Variants in TMEM132D observed in about 807,000 individuals in gnomAD.
TMEM132D encodes transmembrane protein 132D.
Under a neutral mutation model 62.3 loss-of-function variants are expected in TMEM132D, and 21 were observed. The ratio of observed to expected loss-of-function variants is 0.34; its 90% CI spans 0.24 to 0.49. The LOEUF (loss-of-function observed/expected upper bound fraction) is 0.49, where lower values mean the gene tolerates loss of function less well. TMEM132D is among the 20% of genes least tolerant of loss of function. The pLI, the probability that TMEM132D is intolerant of heterozygous loss-of-function variation, is 0.99. For missense variants in TMEM132D, 1,346 were observed against 1,402.8 expected (o/e 0.96, Z 0.65); for synonymous variants, 621 against 575.6 (o/e 1.08, Z -1.13).
rs143973003 is a variant in TMEM132D at position 129,867,926 on chromosome 12, G to A, written c.79+35335C>T. Among the ~76,000 whole-genome samples, 102 of 152,326 alleles carry A rather than the reference G, an allele frequency of 6.7e-4. No homozygotes were observed. Among genetic ancestry groups the A allele is most frequent in the African/African-American group, 2.2e-3 (91 of 41,578 alleles). On this transcript the variant is annotated intron_variant, in intron 1 of 8. Coordinates refer to ENST00000422113, the MANE Select transcript of TMEM132D (RefSeq NM_133448.3). The surrounding 1 kb of genome is among the most constrained non-coding windows in gnomAD (Gnocchi z 4.5). ...ATGTCTGTGTCTCTACTAAGACAGC[G>A]TTTCTATGGTACACACGAGGCAGTG...
chr12:129,075,964 C>A (rs915892300), intron 8 of TMEM132D, among the ~76,000 whole-genome samples: 2 of 151,984 alleles, frequency 1.3e-5, no homozygotes, highest in Admixed American at 6.5e-5. Context: ...GCCCCAAGCC[C>A]GAGATGATGA....
At position 129,699,732 on chromosome 12, in the gene TMEM132D, C is replaced by A. The variant is rs191195169; in HGVS notation, c.968+78G>T. The stretch of plus-strand genomic sequence containing the variant: ...TCTACTTCGGTGAGCGATAACACAG[C>A]TTTTCTGGTCAAACAGCTTCTGGAA... On this transcript the variant is annotated intron_variant, in intron 2 of 8. Transcript: ENST00000422113. The A allele has an allele frequency of 1.9e-6, 3 of 1,556,058 alleles. No individual in the cohort carries two copies. The East Asian group carries it at 6.7e-5, about 35-fold the overall frequency.
intron 2 of TMEM132D, among the ~76,000 whole-genome samples, chr12:129,678,690 A>G (rs752022667): frequency 4.9e-4 from 74 of 152,094 alleles, no homozygotes; most frequent in Non-Finnish European, 8.7e-4. Context: ...TAGATTAAGA[A>G]AGTCTAAATC....
At chr12:129,750,376 C>T (rs989694987) in intron 1 of TMEM132D, among the ~76,000 whole-genome samples, 7 of 152,158 alleles carry the variant, frequency 4.6e-5, no homozygotes, top group African/African-American at 1.4e-4. Flanking sequence ...TGAGCTACCG[C>T]GCCCAGCCAG....
At chr12:129,435,194 C>T (rs144406208) in intron 3 of TMEM132D, among the ~76,000 whole-genome samples, 115 of 152,174 alleles carry the variant, frequency 7.6e-4, no homozygotes, top group Non-Finnish European at 1.4e-3. Context: ...ATAATATAGA[C>T]CAATGTGTTA....
chr12:129,455,935 G>C (rs1194869245), intron 3 of TMEM132D, among the ~76,000 whole-genome samples: 1 of 152,134 alleles, frequency 6.6e-6, no homozygotes, highest in Admixed American at 6.5e-5. Flanking sequence ...GTGAAGAATA[G>C]ACTCAAGAGG....
chr12:129,103,838 G>T (rs974225404), intron 5 of TMEM132D, among the ~76,000 whole-genome samples: 10 of 152,220 alleles, frequency 6.6e-5, no homozygotes, highest in East Asian at 1.9e-4. Flanking sequence ...TTACAAGGGA[G>T]GTGAAGGACC....
intron 5 of TMEM132D, chr12:129,085,044 G>A (rs1172145021): frequency 2.4e-6 from 1 of 423,094 alleles, no homozygotes; most frequent in African/African-American, 2.0e-5. Context: ...GTGTCCCTCA[G>A]AGTTACCCGG....
intron 4 of TMEM132D, among the ~76,000 whole-genome samples, chr12:129,255,609 T>G (rs1184723572): frequency 6.6e-6 from 1 of 152,146 alleles, no homozygotes; most frequent in Non-Finnish European, 1.5e-5. Context: ...ATAAAATATT[T>G]TGTTTATCTG....
intron 5 of TMEM132D, among the ~76,000 whole-genome samples, chr12:129,126,807 C>T (rs749727275): frequency 9.8e-5 from 15 of 152,288 alleles, no homozygotes; most frequent in Non-Finnish European, 1.0e-4. Context: ...TAGGAACTTT[C>T]CTCCTTGTTA....
At chr12:129,606,410 C>T (rs982914966) in intron 2 of TMEM132D, among the ~76,000 whole-genome samples, 2 of 152,218 alleles carry the variant, frequency 1.3e-5, no homozygotes, top group East Asian at 1.9e-4. Context: ...CAGAGTCTGC[C>T]GCAGCCCCGG....
chr12:129,894,324 A>G (rs938037412), intron 1 of TMEM132D, among the ~76,000 whole-genome samples: 1 of 152,146 alleles, frequency 6.6e-6, no homozygotes, highest in African/African-American at 2.4e-5. Flanking sequence ...TGATTCAATT[A>G]TCTCCACCTG....
At chr12:129,481,855 A>G (rs1440763182) in intron 3 of TMEM132D, among the ~76,000 whole-genome samples, 1 of 151,972 alleles carries the variant, frequency 6.6e-6, no homozygotes, top group Non-Finnish European at 1.5e-5. Context: ...ACCATTAGGT[A>G]ACCCTCCCAG....
intron 2 of TMEM132D, among the ~76,000 whole-genome samples, chr12:129,635,373 AAATGGC>A (rs1401356177): frequency 6.6e-6 from 1 of 152,244 alleles, no homozygotes; most frequent in Non-Finnish European, 1.5e-5. Context: ...CAGACAAAAG[AAATGGC>A]AAGGAGAGTC....
intron 4 of TMEM132D, among the ~76,000 whole-genome samples, chr12:129,259,606 A>G (rs889906319): frequency 4.6e-5 from 7 of 152,232 alleles, no homozygotes; most frequent in African/African-American, 1.7e-4. Flanking sequence ...TAAGGAGAAC[A>G]GATGGTAATT....
At chr12:129,340,320 T>A (rs1176361567) in intron 3 of TMEM132D, among the ~76,000 whole-genome samples, 2 of 152,058 alleles carry the variant, frequency 1.3e-5, no homozygotes, top group East Asian at 1.9e-4. Context: ...TCTTTTTTTT[T>A]ATTATACTTT....
intron 2 of TMEM132D, among the ~76,000 whole-genome samples, chr12:129,617,094 G>A (rs1034568957): frequency 6.6e-6 from 1 of 152,156 alleles, no homozygotes; most frequent in Non-Finnish European, 1.5e-5. Flanking sequence ...AGTTCTGAAA[G>A]CAATTTTTAT....
At chr12:129,646,532 A>G (rs544881586) in intron 2 of TMEM132D, among the ~76,000 whole-genome samples, 1 of 152,266 alleles carries the variant, frequency 6.6e-6, no homozygotes, top group South Asian at 2.1e-4. Flanking sequence ...AAAGAAGTAG[A>G]GAGTAGTATA....
At chr12:129,733,283 C>T (rs1477188925) in intron 1 of TMEM132D, among the ~76,000 whole-genome samples, 1 of 152,122 alleles carries the variant, frequency 6.6e-6, no homozygotes. Context: ...AAAAGATTTG[C>T]CCTTAGCCTG....
Sources: gnomAD v4.1 joint callset for allele counts (sites outside exome capture counted in the v4.1 genomes callset) on GRCh38, gnomAD v4.1.1 for gene constraint, Gnocchi (gnomAD v3.1) non-coding constraint, MANE v1.5 for transcripts, NCBI Gene and HGNC (gene_info 2026-07-23, HGNC 2026-07-21) for gene names.